Variants in ADAM12 observed in about 807,000 individuals in gnomAD.
ADAM12 encodes ADAM metallopeptidase domain 12.
In ADAM12, 70 loss-of-function variants were observed where a neutral mutation model predicts 106.4. The observed-to-expected ratio is 0.66, with a 90% CI of 0.54 to 0.80. The LOEUF (loss-of-function observed/expected upper bound fraction) is 0.80, where lower values mean the gene tolerates loss of function less well. Among genes scored for constraint, ADAM12 ranks in the 30% least tolerant of loss-of-function variants. The probability of loss-of-function intolerance (pLI) is 0.00; values close to 1 mark genes in which losing one functional copy is unlikely to be tolerated. For missense variants in ADAM12, 1,010 were observed against 1,171.9 expected, an observed-to-expected ratio of 0.86 and a Z score of 2.02; for synonymous variants, 420 against 433.5, an observed-to-expected ratio of 0.97 and a Z score of 0.39.
chr10:126,185,879 T>C (rs1957391477), intron 3 of ADAM12, among the ~76,000 whole-genome samples: 1 of 152,168 alleles, frequency 6.6e-6, no homozygotes. Flanking sequence ...AGGGAATGTT[T>C]TCAAAAATAT....
intron 3 of ADAM12, among the ~76,000 whole-genome samples, chr10:126,188,545 G>A (rs574284987): frequency 6.6e-6 from 1 of 152,292 alleles, no homozygotes; most frequent in East Asian, 1.9e-4. Context: ...CAAAGGCCTT[G>A]TCTGTGTGTG....
chr10:126,044,301 A>C (rs1044229217), intron 17 of ADAM12, among the ~76,000 whole-genome samples: 1 of 152,020 alleles, frequency 6.6e-6, no homozygotes, highest in African/African-American at 2.4e-5. Flanking sequence ...AGTTAAAAAA[A>C]ATTAGGTTGA....
rs115423575 is a variant in ADAM12 at position 126,078,060 on chromosome 10, A to T, written c.1146-6406T>A. ...TCTAATGGTAACACCATCTTAATCC[A>T]CACATATTAGAATATTTTCTACATC... On this transcript the variant is annotated intron_variant, in intron 11 of 22. Transcript: ENST00000448723. Among the ~76,000 whole-genome samples the T allele has an allele frequency of 8.1e-3, 1,237 of 152,324 alleles. 20 individuals are homozygous for T. Among genetic ancestry groups the T allele is most frequent in the African/African-American group, 0.028 (1,155 of 41,574 alleles).
chr10:126,054,480 C>T (rs1200159831), intron 14 of ADAM12, among the ~76,000 whole-genome samples: 1 of 152,226 alleles, frequency 6.6e-6, no homozygotes, highest in Non-Finnish European at 1.5e-5. Context: ...TTTTTGCTGG[C>T]TACTTTCAGG....
intron 3 of ADAM12, among the ~76,000 whole-genome samples, chr10:126,223,538 C>T (rs1958135658): frequency 6.6e-6 from 1 of 152,174 alleles, no homozygotes; most frequent in South Asian, 2.1e-4. Flanking sequence ...TTTTAAAAGG[C>T]CACCACTCAA....
rs147050809 is a variant in ADAM12, at chr10:126,211,494, G to A, written c.261-56189C>T. Among the ~76,000 whole-genome samples the A allele has an allele frequency of 1.9e-3, 285 of 151,850 alleles. 1 individual carries two copies. The highest frequency in any genetic ancestry group is 6.6e-3 in the African/African-American group (275 of 41,400). ...TGCCAGTAGCCATCTCTGCCTCCTG[G>A]ACCACGTGATCCTCGACCTGCCAGT... On this transcript the variant is annotated intron_variant, in intron 3 of 22. Transcript: ENST00000448723.
At chr10:126,082,773 G>T (rs1479877563) in intron 11 of ADAM12, among the ~76,000 whole-genome samples, 2 of 152,168 alleles carry the variant, frequency 1.3e-5, no homozygotes, top group East Asian at 3.9e-4. Flanking sequence ...AGTCCCTTGA[G>T]AAGCATAAGC....
chr10:126,052,342 G>C (rs1373484413), intron 14 of ADAM12, among the ~76,000 whole-genome samples: 1 of 152,214 alleles, frequency 6.6e-6, no homozygotes, highest in African/African-American at 2.4e-5. Context: ...GCAGCTCCTA[G>C]TGACTGCTTA....
chr10:126,131,367 C>T (rs1266783503), intron 5 of ADAM12, among the ~76,000 whole-genome samples: 4 of 152,052 alleles, frequency 2.6e-5, no homozygotes, highest in Non-Finnish European at 4.4e-5. Flanking sequence ...GAGAGAGGCC[C>T]TTATTCTTCT....
At chr10:126,107,956 C>T (rs563862845) in intron 8 of ADAM12, among the ~76,000 whole-genome samples, 6 of 152,246 alleles carry the variant, frequency 3.9e-5, no homozygotes, top group East Asian at 1.9e-4. Context: ...TTTGCCGGCC[C>T]GCAGTGTGAG....
chr10:126,042,766 A>G (rs1204434396), intron 18 of ADAM12, among the ~76,000 whole-genome samples: 1 of 152,364 alleles, frequency 6.6e-6, no homozygotes, highest in African/African-American at 2.4e-5. Context: ...GCAGTTCACT[A>G]TAGAAATGAC....
At chr10:126,348,806 C>T (rs1855246674) in intron 1 of ADAM12, among the ~76,000 whole-genome samples, 1 of 152,144 alleles carries the variant, frequency 6.6e-6, no homozygotes, top group Non-Finnish European at 1.5e-5. Flanking sequence ...ATAGAACTTC[C>T]AGTTGAATCT....
intron 21 of ADAM12, among the ~76,000 whole-genome samples, chr10:126,031,687 G>A (rs535910057): frequency 3.5e-4 from 54 of 152,298 alleles, no homozygotes; most frequent in African/African-American, 1.3e-3. Flanking sequence ...AGATGAGACT[G>A]TGCCAGACTG....
chr10:126,237,103 A>G (rs921337209), intron 3 of ADAM12, among the ~76,000 whole-genome samples: 4 of 152,104 alleles, frequency 2.6e-5, no homozygotes, highest in African/African-American at 9.7e-5. Flanking sequence ...GTTAATTAAC[A>G]TGTTTTCTAG....
At chr10:126,060,153 C>A (rs1411234341) in intron 14 of ADAM12, among the ~76,000 whole-genome samples, 1 of 152,014 alleles carries the variant, frequency 6.6e-6, no homozygotes, top group Non-Finnish European at 1.5e-5. Flanking sequence ...AACAAAAAAC[C>A]CAAAGGCATT....
At chr10:126,199,157 T>A (rs546816058) in intron 3 of ADAM12, among the ~76,000 whole-genome samples, 1 of 152,204 alleles carries the variant, frequency 6.6e-6, no homozygotes, top group Non-Finnish European at 1.5e-5. Flanking sequence ...CCAATAAGTT[T>A]AGACTAACCA....
intron 3 of ADAM12, among the ~76,000 whole-genome samples, chr10:126,217,591 T>C (rs904392997): frequency 6.7e-6 from 1 of 150,240 alleles, no homozygotes; most frequent in Non-Finnish European, 1.5e-5. Context: ...GGTCTCGAAC[T>C]CCTGACCTCA....
intron 1 of ADAM12, among the ~76,000 whole-genome samples, chr10:126,387,509 A>G (rs1374672436): frequency 6.6e-6 from 1 of 152,140 alleles, no homozygotes; most frequent in African/African-American, 2.4e-5. Context: ...GAAGTAGGTA[A>G]GAGAGTCAGT....
intron 2 of ADAM12, among the ~76,000 whole-genome samples, chr10:126,296,740 A>G (rs1960399340): frequency 6.6e-6 from 1 of 152,158 alleles, no homozygotes; most frequent in African/African-American, 2.4e-5. Flanking sequence ...GAGTGCATTC[A>G]CTTGTCATCT....
Sources: allele counts gnomAD v4.1 joint callset (sites outside exome capture counted in the v4.1 genomes callset), GRCh38; gene constraint gnomAD v4.1.1; transcripts MANE v1.5; gene names NCBI Gene and HGNC (gene_info 2026-07-23, HGNC 2026-07-21).